The following IL7 variants were observed in gnomAD, a reference collection of about 807,000 sequenced individuals.
The protein encoded by IL7 is interleukin-7.
In IL7, 3 loss-of-function variants were observed where a neutral mutation model predicts 21.6. The observed-to-expected ratio is 0.14, with a 90% confidence interval of 0.06 to 0.36. IL7 has a LOEUF of 0.36. IL7 is among the 10% of genes least tolerant of loss of function. The pLI is 1.00. For synonymous variants in IL7, 62 were observed against 68.1 expected (o/e 0.91, Z 0.44); for missense variants, 175 against 200.2 (o/e 0.87, Z 0.76).
At chr8:78,706,752 G>C (rs1377686841) in intron 3 of IL7, among the ~76,000 whole-genome samples, 1 of 151,928 alleles carries the variant, frequency 6.6e-6, no homozygotes, top group Non-Finnish European at 1.5e-5. Context: ...ATTCATTTTG[G>C]TTTTTATGTG....
intron 3 of IL7, chr8:78,724,145 G>A (rs559767568): frequency 6.6e-6 from 1 of 152,310 alleles, no homozygotes; most frequent in East Asian, 1.9e-4. Context: ...ATGGGGAAGA[G>A]CTAGGAGCTC....
chr8:78,717,144 G>A (rs1363226256), downstream of IL7, among the ~76,000 whole-genome samples: 1 of 151,598 alleles, frequency 6.6e-6, no homozygotes, highest in Admixed American at 6.6e-5. Context: ...TAAATATAAT[G>A]TTAAAAAAAA....
At chr8:78,777,013 T>C (rs1472974262) in intron 2 of IL7, among the ~76,000 whole-genome samples, 1 of 152,044 alleles carries the variant, frequency 6.6e-6, no homozygotes, top group African/African-American at 2.4e-5. Context: ...TCAATACCAA[T>C]GATGGTCTTT....
chr8:78,753,368 G>A (rs117926290), intron 2 of IL7, among the ~76,000 whole-genome samples: 6,770 of 152,150 alleles, frequency 0.044, 213 homozygotes, highest in Middle Eastern at 0.085. Context: ...TTTGTTGGCC[G>A]CATAAATTTG....
downstream of IL7, among the ~76,000 whole-genome samples, chr8:78,728,383 G>T (rs1811369768): frequency 6.6e-6 from 1 of 151,918 alleles, no homozygotes. Context: ...ATGTTATAAA[G>T]CCATAGTAAT....
chr8:78,790,759 G>A (rs983148699), intron 2 of IL7, among the ~76,000 whole-genome samples: 1 of 151,522 alleles, frequency 6.6e-6, no homozygotes, highest in Non-Finnish European at 1.5e-5. Context: ...CAAAAGAAGG[G>A]TAAAACCTAT....
chr8:78,750,996 G>A (rs1279045207), intron 2 of IL7, among the ~76,000 whole-genome samples: 1 of 151,698 alleles, frequency 6.6e-6, no homozygotes, highest in Non-Finnish European at 1.5e-5. Context: ...ATATGCCTTT[G>A]ATGGGCTCAT....
At chr8:78,751,429 G>C (rs1158792012) in intron 2 of IL7, among the ~76,000 whole-genome samples, 1 of 152,114 alleles carries the variant, frequency 6.6e-6, no homozygotes, top group Non-Finnish European at 1.5e-5. Context: ...GAGGAATAAA[G>C]CCTTTCTCAG....
chr8:78,804,099 A>G (rs1814198639), intron 1 of IL7, among the ~76,000 whole-genome samples: 1 of 151,740 alleles, frequency 6.6e-6, no homozygotes, highest in Non-Finnish European at 1.5e-5. Flanking sequence ...TGGCTCTTTC[A>G]TTGGTCATAT....
chr8:78,689,437 G>T, intron 3 of IL7: 7 of 1,428,004 alleles, frequency 4.9e-6, no homozygotes, highest in Non-Finnish European at 6.5e-6. Flanking sequence ...ATAGATTATT[G>T]TTTATGCTTT....
At chr8:78,739,177 G>A (rs372341604) in intron 3 of IL7, among the ~76,000 whole-genome samples, 1 of 152,132 alleles carries the variant, frequency 6.6e-6, no homozygotes, top group African/African-American at 2.4e-5. Context: ...GCTACTGTGA[G>A]TTTTTAAAAG....
chr8:78,772,004 T>C (rs1480287976), intron 2 of IL7, among the ~76,000 whole-genome samples: 6 of 152,180 alleles, frequency 3.9e-5, no homozygotes, highest in Admixed American at 3.3e-4. Context: ...CAATCAGTTA[T>C]ATTTCCTATT....
chr8:78,797,818 A>G, intron 2 of IL7: 1 of 298,202 alleles, frequency 3.4e-6, no homozygotes, highest in Non-Finnish European at 6.3e-6. Context: ...TATGCTTACA[A>G]GAAATTTACT....
chr8:78,684,948 A>C (rs1178267295), intron 4 of IL7, among the ~76,000 whole-genome samples: 1 of 152,200 alleles, frequency 6.6e-6, no homozygotes, highest in Non-Finnish European at 1.5e-5. Flanking sequence ...TATAAATGTG[A>C]TTCTTAATTT....
chr8:78,802,993 G>A (rs574500090), intron 1 of IL7, among the ~76,000 whole-genome samples: 1 of 152,154 alleles, frequency 6.6e-6, no homozygotes, highest in African/African-American at 2.4e-5. Context: ...GTTACAGTAG[G>A]TTATGTGTCA....
In IL7 at chr8:78,761,243, G is replaced by A. The variant is rs1324389303; in HGVS notation, c.148-21161C>T. On this transcript the variant is annotated intron_variant, in intron 2 of 5. Coordinates refer to ENST00000263851, the MANE Select transcript of IL7 (RefSeq NM_000880.4). ...GTTGTCAAGTTCTAAAAGCAGTTGTGGTGATCGATGGAAAAAAGAACAAAC... is the reference window on the plus strand; with the variant it reads ...GTTGTCAAGTTCTAAAAGCAGTTGTAGTGATCGATGGAAAAAAGAACAAAC... 7 of 1,604,364 alleles carry A rather than the reference G, an allele frequency of 4.4e-6. No individual in the cohort carries two copies. The African/African-American group carries it at 8.1e-5, about 18-fold the overall frequency.
intron 2 of IL7, among the ~76,000 whole-genome samples, chr8:78,796,071 A>G (rs977606217): frequency 9.2e-5 from 14 of 152,164 alleles, no homozygotes; most frequent in African/African-American, 3.4e-4. Flanking sequence ...AAAGAGACTA[A>G]TTATCTGTTA....
intron 2 of IL7, among the ~76,000 whole-genome samples, chr8:78,754,118 G>A (rs914460265): frequency 6.6e-6 from 1 of 152,138 alleles, no homozygotes; most frequent in African/African-American, 2.4e-5. Context: ...ATCTCTGTTT[G>A]CAGATGATGT....
intron 2 of IL7, among the ~76,000 whole-genome samples, chr8:78,754,181 A>T (rs1586071988): frequency 6.6e-6 from 1 of 152,208 alleles, no homozygotes. Flanking sequence ...CCTTAAGCTG[A>T]TAAGCAACTT....
Sources: gnomAD v4.1 joint callset for allele counts (sites outside exome capture counted in the v4.1 genomes callset) on GRCh38, gnomAD v4.1.1 for gene constraint, MANE v1.5 for transcripts, NCBI Gene and HGNC (gene_info 2026-07-23, HGNC 2026-07-21) for gene names.